Variants in NELL2 observed in about 807,000 individuals in gnomAD.
NELL2 encodes neural EGFL like 2.
NELL2 carries 41 observed loss-of-function variants against 109.6 expected under a neutral mutation model. The observed-to-expected ratio is 0.37, with a 90% confidence interval of 0.29 to 0.49. NELL2 has a LOEUF of 0.49. Ranked by LOEUF, NELL2 falls within the 20% of genes least tolerant of loss-of-function variation. NELL2 has a pLI of 0.98. For synonymous variants in NELL2, 355 were observed against 344.7 expected (o/e 1.03, Z -0.33); for missense variants, 900 against 1,008.3 (o/e 0.89, Z 1.45).
chr12:44,826,930 T>G (rs929787057), intron 2 of NELL2, among the ~76,000 whole-genome samples: 3 of 152,198 alleles, frequency 2.0e-5, no homozygotes, highest in Admixed American at 2.0e-4. Flanking sequence ...ATAAATAAAT[T>G]GCACTTGATC....
chr12:44,545,723 CA>C (rs1174710046), intron 15 of NELL2, among the ~76,000 whole-genome samples: 2 of 151,968 alleles, frequency 1.3e-5, no homozygotes, highest in Non-Finnish European at 2.9e-5. Flanking sequence ...ACATTGTGAT[CA>C]AATATCTACT....
intron 14 of NELL2, among the ~76,000 whole-genome samples, chr12:44,609,965 A>G (rs1463690731): frequency 6.6e-6 from 1 of 151,992 alleles, no homozygotes; most frequent in Non-Finnish European, 1.5e-5. Context: ...TAAATGTTAT[A>G]CTATGGGAGT....
At position 44,811,337 on chromosome 12, in the gene NELL2, T is replaced by TAAAAAA. The variant is rs10683929; in HGVS notation, c.335+4643_335+4648dup. Reference sequence around the variant, plus strand: ...TGCACATGTATCCCAGAACTAAAAGTAAAAAAAAAAAAAAAAAAAAAATTA... The same window carrying TAAAAAA: ...TGCACATGTATCCCAGAACTAAAAGTAAAAAAAAAAAAAAAAAAAAAAAAAAAATTA... On this transcript the variant is annotated intron_variant, in intron 3 of 19. Coordinates refer to ENST00000429094, the MANE Select transcript of NELL2 (RefSeq NM_001145108.2). 3.8e-3 allele frequency among the ~76,000 whole-genome samples: 388 copies of TAAAAAA among 103,158 alleles called. 7 individuals carry two copies. The highest frequency in any genetic ancestry group is 0.014 in the African/African-American group (335 of 24,710). The allele number at this position is 103,158 out of a possible 152,430, so 67.7% of individuals were successfully genotyped here. A position where few individuals can be genotyped will look rare whatever the true frequency, so the allele number is the denominator to read the frequency against.
chr12:44,876,058 A>C lies in NELL2; in HGVS notation c.-189T>G. The C allele has an allele frequency of 1.4e-6, 2 of 1,436,510 alleles. No homozygotes were observed. Among genetic ancestry groups the C allele is most frequent in the Non-Finnish European group, 9.1e-7 (1 of 1,099,556 alleles). 89.0% of individuals were successfully genotyped at this position (1,436,510 alleles called of 1,614,324 possible). A position where few individuals can be genotyped will look rare whatever the true frequency, so the allele number is the denominator to read the frequency against. ...GGAGGCCTCCCCAGGCGCGTGAAGA[A>C]CTTAGACCCTCCAATGCGCACATCA... is the stretch of plus-strand genomic sequence containing the variant. On this transcript the variant is annotated 5_prime_UTR_variant, in exon 1 of 20. Coordinates refer to ENST00000429094, the MANE Select transcript of NELL2 (RefSeq NM_001145108.2).
intron 12 of NELL2, among the ~76,000 whole-genome samples, chr12:44,702,465 A>G (rs1371878891): frequency 2.0e-5 from 3 of 152,190 alleles, no homozygotes; most frequent in Non-Finnish European, 4.4e-5. Context: ...TATAAGTAAA[A>G]TTCAAAACAA....
At chr12:44,763,291 G>A (rs1941198583) in intron 9 of NELL2, among the ~76,000 whole-genome samples, 1 of 152,102 alleles carries the variant, frequency 6.6e-6, no homozygotes, top group Admixed American at 6.6e-5. Context: ...GAACATAGAT[G>A]GGCGAATTAT....
chr12:44,636,251 TC>T (rs1257768038), intron 13 of NELL2, among the ~76,000 whole-genome samples: 1 of 152,116 alleles, frequency 6.6e-6, no homozygotes, highest in African/African-American at 2.4e-5. Context: ...TGACTTCCTC[TC>T]CTCCTATTTG....
chr12:44,902,889 T>C (rs1410997322), intron 1 of NELL2, among the ~76,000 whole-genome samples: 1 of 152,126 alleles, frequency 6.6e-6, no homozygotes, highest in Admixed American at 6.5e-5. Context: ...TTATACCTTA[T>C]ACAAAAATTA....
intron 2 of NELL2, among the ~76,000 whole-genome samples, chr12:44,830,234 T>C (rs1943844989): frequency 6.6e-6 from 1 of 152,170 alleles, no homozygotes. Flanking sequence ...TCTAACAGAA[T>C]TGTTGCTGAA....
intron 15 of NELL2, among the ~76,000 whole-genome samples, chr12:44,567,358 GA>G (rs1237868737): frequency 6.6e-6 from 1 of 152,160 alleles, no homozygotes; most frequent in African/African-American, 2.4e-5. Flanking sequence ...TGATCAAATA[GA>G]AAGGAGATAC....
chr12:44,696,501 G>A (rs1015923639), intron 12 of NELL2, among the ~76,000 whole-genome samples: 2 of 152,178 alleles, frequency 1.3e-5, no homozygotes, highest in Non-Finnish European at 2.9e-5. Context: ...CTTTTAATGT[G>A]TATGTTATTT....
chr12:44,578,629 C>CT (rs35098523), intron 15 of NELL2, among the ~76,000 whole-genome samples: 255 of 143,150 alleles, frequency 1.8e-3, no homozygotes, highest in African/African-American at 5.2e-3. Flanking sequence ...CAAATATAGC[C>CT]TTTTTTTTTT....
intron 2 of NELL2, among the ~76,000 whole-genome samples, chr12:44,854,425 T>C (rs1233352482): frequency 2.0e-5 from 3 of 152,136 alleles, no homozygotes; most frequent in Non-Finnish European, 4.4e-5. Flanking sequence ...GTTTTGAACA[T>C]AGTGTTAAAG....
upstream of NELL2, among the ~76,000 whole-genome samples, chr12:44,915,988 C>T (rs73283041): frequency 5.8e-3 from 887 of 152,270 alleles, 6 homozygotes; most frequent in African/African-American, 0.02. Flanking sequence ...TTTCAAATAC[C>T]TTTAATGCAT....
intron 2 of NELL2, among the ~76,000 whole-genome samples, chr12:44,864,135 C>G (rs1944920583): frequency 6.6e-6 from 1 of 151,978 alleles, no homozygotes; most frequent in African/African-American, 2.4e-5. Context: ...AGGAAGACAA[C>G]AAGAGAGGAA....
At chr12:44,812,075 G>A (rs1028898205) in intron 3 of NELL2, among the ~76,000 whole-genome samples, 1 of 151,970 alleles carries the variant, frequency 6.6e-6, no homozygotes. Flanking sequence ...CCATTGAAGC[G>A]CTGGACCTAC....
intron 2 of NELL2, among the ~76,000 whole-genome samples, chr12:44,820,936 G>A (rs187492816): frequency 2.6e-4 from 37 of 139,684 alleles, no homozygotes; most frequent in Admixed American, 6.9e-4. Context: ...AGTCATAGGC[G>A]TGCCTGAGTA....
At chr12:44,541,710 G>A (rs1259530180) in intron 15 of NELL2, among the ~76,000 whole-genome samples, 3 of 152,118 alleles carry the variant, frequency 2.0e-5, no homozygotes, top group South Asian at 4.2e-4. Context: ...AAGGTCAACC[G>A]GGGTCCCCAA....
intron 15 of NELL2, among the ~76,000 whole-genome samples, chr12:44,542,695 C>G (rs1942631577): frequency 6.6e-6 from 1 of 152,122 alleles, no homozygotes; most frequent in Non-Finnish European, 1.5e-5. Flanking sequence ...AACTCTCCAC[C>G]ACATCCTCAG....
Sources: gnomAD v4.1 joint callset for allele counts (sites outside exome capture counted in the v4.1 genomes callset) on GRCh38, gnomAD v4.1.1 for gene constraint, MANE v1.5 for transcripts, NCBI Gene and HGNC (gene_info 2026-07-23, HGNC 2026-07-21) for gene names.